Variants in C3orf52 observed in about 807,000 individuals in gnomAD.
C3orf52 encodes chromosome 3 open reading frame 52, also known as TPA-induced transmembrane protein.
C3orf52 carries 22 observed loss-of-function variants against 24.8 expected under a neutral mutation model. The observed-to-expected ratio is 0.89, with a 90% CI of 0.63 to 1.27. The LOEUF (loss-of-function observed/expected upper bound fraction) is 1.27, where lower values mean the gene tolerates loss of function less well. Among genes scored for constraint, C3orf52 ranks in the 50% most tolerant of loss-of-function variants. The pLI, the probability that C3orf52 is intolerant of heterozygous loss-of-function variation, is 0.00. For synonymous variants in C3orf52, 93 were observed against 100.2 expected, an observed-to-expected ratio of 0.93 and a Z score of 0.43; for missense variants, 265 against 260.7, an observed-to-expected ratio of 1.02 and a Z score of -0.11.
Position 112,117,053 on chromosome 3 carries a change from C to A in C3orf52, c.*407C>A. 1.2e-6 allele frequency: 1 copy of A among 851,828 alleles called. No individual in the cohort carries two copies. Among genetic ancestry groups the A allele is most frequent in the Non-Finnish European group, 1.8e-6 (1 of 560,424 alleles). 52.8% of individuals were successfully genotyped at this position (851,828 alleles called of 1,614,324 possible). The stretch of plus-strand genomic sequence containing the variant: ...GCTATTCTTGAAGCACTCCACCCAC[C>A]TGGGCTACTTTTTCTTTAGTGCAGA... On this transcript the variant is annotated 3_prime_UTR_variant, in exon 6 of 6. Coordinates refer to ENST00000264848, the MANE Select transcript of C3orf52 (RefSeq NM_024616.3).
At chr3:112,132,942 G>A, downstream of C3orf52, 1 of 750,134 alleles carries the variant, frequency 1.3e-6, no homozygotes, top group Non-Finnish European at 2.2e-6. Flanking sequence ...ATCTGGCACA[G>A]AGTAGGCACT....
chr3:112,109,781 C>A, intron 4 of C3orf52, 168 bp downstream of exon 4: 1 of 487,492 alleles, frequency 2.1e-6, no homozygotes, highest in Non-Finnish European at 3.7e-6. Flanking sequence ...CACCAACAGG[C>A]TCAACTCCCT....
chr3:112,130,331 A>G, downstream of C3orf52: 1 of 814,094 alleles, frequency 1.2e-6, no homozygotes, highest in Non-Finnish European at 2.1e-6. Context: ...TACTATTGCA[A>G]CTGCTACTGG....
At chr3:112,127,048 C>T in intron 4 of C3orf52, 5 of 1,538,020 alleles carry the variant, frequency 3.3e-6, no homozygotes, top group Non-Finnish European at 4.5e-6. Context: ...AAAAGAAAAG[C>T]AAAGCAAATT....
chr3:112,125,301 T>C, intron 4 of C3orf52: 2 of 1,363,278 alleles, frequency 1.5e-6, no homozygotes, highest in Non-Finnish European at 2.1e-6. Flanking sequence ...ATGGGGAGAT[T>C]TGAAGGGAAG....
At chr3:112,118,876 C>T (rs907231226), downstream of C3orf52, among the ~76,000 whole-genome samples, 2 of 152,224 alleles carry the variant, frequency 1.3e-5, no homozygotes, top group African/African-American at 4.8e-5. Context: ...TCCTGTTCCT[C>T]TGCCAACAAA....
intron 2 of C3orf52, among the ~76,000 whole-genome samples, chr3:112,097,814 C>T (rs340156): frequency 0.034 from 5,126 of 152,278 alleles, 289 homozygotes; most frequent in African/African-American, 0.12. Context: ...CATATAATAT[C>T]TTTCAGCTTC....
At chr3:112,130,223 T>G, downstream of C3orf52, 1 of 573,232 alleles carries the variant, frequency 1.7e-6, no homozygotes, top group South Asian at 2.2e-5. Context: ...GGGTCTTAGT[T>G]CCTGTTGCTA....
rs974982924 is a variant in C3orf52 at position 112,106,981 on chromosome 3, A to T, written c.397-2562A>T. Among the ~76,000 whole-genome samples the T allele has an allele frequency of 4.6e-5, 7 of 152,320 alleles. No individual in the cohort carries two copies. The East Asian group carries it at 1.4e-3, about 29-fold the overall frequency. On this transcript the variant is annotated intron_variant, in intron 3 of 5. Transcript: ENST00000264848. Reference sequence around the variant, plus strand: ...GGAGACACAAGACTAAGGGTTGAGGAACCACCCTATTTCACTTCTTTGGGC... The same window carrying T: ...GGAGACACAAGACTAAGGGTTGAGGTACCACCCTATTTCACTTCTTTGGGC...
At chr3:112,095,009 C>A (rs2073913562) in intron 2 of C3orf52, among the ~76,000 whole-genome samples, 1 of 152,184 alleles carries the variant, frequency 6.6e-6, no homozygotes, top group African/African-American at 2.4e-5. Context: ...CTTGTTTCCC[C>A]TTCTCCCAAC....
chr3:112,116,590 A>G, intron 5 of C3orf52, 52 bp from the exon 6 acceptor site: 1 of 1,417,122 alleles, frequency 7.1e-7, no homozygotes, highest in Non-Finnish European at 9.5e-7. Flanking sequence ...GTAAGCATTT[A>G]ATAGTGGTTT....
chr3:112,125,437 G>C (rs2074294593), intron 4 of C3orf52, among the ~76,000 whole-genome samples: 1 of 152,186 alleles, frequency 6.6e-6, no homozygotes, highest in South Asian at 2.1e-4. Flanking sequence ...GTCACAGCTA[G>C]AGCTGTGCTC....
At chr3:112,109,947 G>A (rs546516220) in intron 4 of C3orf52, 85 of 234,770 alleles carry the variant, frequency 3.6e-4, no homozygotes, top group African/African-American at 1.7e-3. Context: ...ATCTCAGGTC[G>A]TGCTGTGATG....
At chr3:112,115,934 G>A (rs553245599) in intron 5 of C3orf52, among the ~76,000 whole-genome samples, 1 of 152,280 alleles carries the variant, frequency 6.6e-6, no homozygotes, top group Non-Finnish European at 1.5e-5. Flanking sequence ...GATGAGTGGG[G>A]CCCTGGGCTA....
chr3:112,114,915 G>A (rs1057384765), intron 5 of C3orf52, among the ~76,000 whole-genome samples: 2 of 152,164 alleles, frequency 1.3e-5, no homozygotes, highest in African/African-American at 4.8e-5. Context: ...GGTTCAAATA[G>A]TACAGGATAA....
rs760134362 is a variant in C3orf52 at position 112,112,946 on chromosome 3, T to C, written c.468-18T>C. On this transcript the variant is annotated intron_variant, in intron 4 of 5. Coordinates refer to ENST00000264848, the MANE Select transcript of C3orf52 (RefSeq NM_024616.3). ...GTATGATGCTGTTTATGTTTTAATG[T>C]CTTCCATTGCCTTTCAGTGGTGAAA... 5.0e-6 allele frequency: 8 copies of C among 1,595,684 alleles called. No individual in the cohort carries two copies. In the African/African-American group the frequency reaches 9.4e-5, roughly 19 times the overall value.
chr3:112,115,781 T>C (rs2074128636), intron 5 of C3orf52, among the ~76,000 whole-genome samples: 2 of 152,194 alleles, frequency 1.3e-5, no homozygotes, highest in African/African-American at 4.8e-5. Flanking sequence ...TTCTCTAATT[T>C]GGAAATACGG....
intron 2 of C3orf52, among the ~76,000 whole-genome samples, chr3:112,101,663 G>A (rs1282526638): frequency 2.0e-5 from 3 of 152,192 alleles, no homozygotes; most frequent in South Asian, 2.1e-4. Context: ...GTAATGCCTC[G>A]TATTTCCAGA....
chr3:112,116,400 C>A (rs1413529615), intron 5 of C3orf52, among the ~76,000 whole-genome samples: 2 of 152,168 alleles, frequency 1.3e-5, no homozygotes, highest in Non-Finnish European at 2.9e-5. Flanking sequence ...AAAATTATTT[C>A]TCATGCATCC....
Sources: gnomAD v4.1 joint callset for allele counts (sites outside exome capture counted in the v4.1 genomes callset) on GRCh38, gnomAD v4.1.1 for gene constraint, MANE v1.5 for transcripts, NCBI Gene and HGNC (gene_info 2026-07-23, HGNC 2026-07-21) for gene names.